BIRC6: variants seen among roughly 807,000 people sequenced by gnomAD.
BIRC6 encodes baculoviral IAP repeat containing 6, also known as dual E2 ubiquitin-conjugating enzyme/E3 ubiquitin-protein ligase BIRC6.
BIRC6 carries 98 observed loss-of-function variants against 503.3 expected under a neutral mutation model. The ratio of observed to expected loss-of-function variants is 0.19; its 90% CI spans 0.17 to 0.23. The LOEUF (loss-of-function observed/expected upper bound fraction) is 0.23. BIRC6 is among the 10% of genes least tolerant of loss of function. The probability of loss-of-function intolerance (pLI) is 1.00; values close to 1 mark genes in which losing one functional copy is unlikely to be tolerated. For missense variants in BIRC6, 5,360 were observed against 5,806.0 expected, an observed-to-expected ratio of 0.92 and a Z score of 2.50; for synonymous variants, 2,240 against 2,078.7, an observed-to-expected ratio of 1.08 and a Z score of -2.11.
At chr2:32,452,337 C>G (rs1376641849) in intron 22 of BIRC6, among the ~76,000 whole-genome samples, 2 of 151,970 alleles carry the variant, frequency 1.3e-5, no homozygotes, top group African/African-American at 4.8e-5. Context: ...TATTTTTCAT[C>G]AAATTATGCT....
chr2:32,570,255 T>G (rs185826489), intron 65 of BIRC6, among the ~76,000 whole-genome samples: 2 of 152,248 alleles, frequency 1.3e-5, no homozygotes, highest in East Asian at 3.8e-4. Context: ...CTGGGATAAA[T>G]CATACTTGAT....
chr2:32,378,356 C>T (rs960220394), intron 2 of BIRC6, among the ~76,000 whole-genome samples: 2 of 152,048 alleles, frequency 1.3e-5, no homozygotes, highest in Admixed American at 1.3e-4. Context: ...AGTCACATGA[C>T]CACACCAAGC....
chr2:32,464,335 T>C (rs2048304212), intron 24 of BIRC6, among the ~76,000 whole-genome samples, 174 bp from the exon 25 acceptor site: 1 of 152,220 alleles, frequency 6.6e-6, no homozygotes, highest in Non-Finnish European at 1.5e-5. Context: ...ACATTTAAAG[T>C]GTATATAGCA....
At chr2:32,532,051 A>C (rs2056808098) in intron 61 of BIRC6, 1 of 513,624 alleles carries the variant, frequency 1.9e-6, no homozygotes, top group African/African-American at 1.9e-5. Flanking sequence ...AATCAGTAGG[A>C]AGTATGGTGC....
rs542799892 is a variant in BIRC6 at position 32,598,612 on chromosome 2, G to A, written c.13830+644G>A. Reference sequence around the variant, plus strand: ...CAAGAAAATGTTAAACATTTAACCCGAAAAAGAAAACTTTCTTTATATTTA... The same window carrying A: ...CAAGAAAATGTTAAACATTTAACCCAAAAAAGAAAACTTTCTTTATATTTA... On this transcript the variant is annotated intron_variant, in intron 69 of 73. Coordinates refer to ENST00000421745, the MANE Select transcript of BIRC6 (RefSeq NM_016252.4). Among the ~76,000 whole-genome samples, 9 of 152,130 alleles carry A rather than the reference G, an allele frequency of 5.9e-5. No homozygotes were observed. In the East Asian group the frequency reaches 9.6e-4, roughly 16 times the overall value.
chr2:32,497,238 G>A (rs916492385), intron 45 of BIRC6, among the ~76,000 whole-genome samples: 4 of 152,146 alleles, frequency 2.6e-5, no homozygotes, highest in Admixed American at 6.5e-5. Flanking sequence ...TTGAACTCCT[G>A]AGTTCAAGCA....
intron 65 of BIRC6, among the ~76,000 whole-genome samples, chr2:32,571,296 T>C (rs1204084480): frequency 6.6e-6 from 1 of 151,828 alleles, no homozygotes; most frequent in African/African-American, 2.4e-5. Context: ...CCTCCTTAAT[T>C]TTTTTAGTTT....
intron 72 of BIRC6, among the ~76,000 whole-genome samples, chr2:32,609,347 T>A (rs576223725): frequency 2.6e-4 from 40 of 151,304 alleles, no homozygotes; most frequent in Non-Finnish European, 4.3e-4. Flanking sequence ...CTCTCCATAG[T>A]ATACCTAAAT....
chr2:32,536,469 GAATT>G (rs1319840663), intron 61 of BIRC6, among the ~76,000 whole-genome samples: 2 of 152,190 alleles, frequency 1.3e-5, no homozygotes, highest in Admixed American at 1.3e-4. Context: ...GATGCATCTT[GAATT>G]AATTTTTGTA....
intron 65 of BIRC6, among the ~76,000 whole-genome samples, chr2:32,574,128 C>G (rs1259865595): frequency 2.0e-5 from 3 of 151,668 alleles, no homozygotes; most frequent in Admixed American, 2.0e-4. Context: ...GTACCAACCC[C>G]CACATATTTG....
At chr2:32,512,643 A>G (rs1305235519) in intron 53 of BIRC6, among the ~76,000 whole-genome samples, 1 of 152,158 alleles carries the variant, frequency 6.6e-6, no homozygotes, top group Non-Finnish European at 1.5e-5. Flanking sequence ...GCTGTATTTC[A>G]TGAGACTTTG....
rs2049756038 is a variant in BIRC6 at position 32,476,330 on chromosome 2, C to G, written c.6838C>G (p.Gln2280Glu). ...CCTGGTAGAACAAGCAAAACTAAAGCAGGCCACTTCAAAGGTATGATCTAT... is the reference window on the plus strand; with the variant it reads ...CCTGGTAGAACAAGCAAAACTAAAGGAGGCCACTTCAAAGGTATGATCTAT... ...KLLVEQAKLK[Q>E]ATSKHFKDLI... The change falls in exon 34 of 74, where the codon CAG becomes GAG. Residue 2280 changes from glutamine to glutamate, a missense_variant. Around this residue, in one of 16 missense-constraint regions of BIRC6, gnomAD observed 2,299 missense variants for 2,267.2 expected, o/e 1.01. Coordinates refer to ENST00000421745, the MANE Select transcript of BIRC6 (RefSeq NM_016252.4). 1 of 1,577,114 alleles carries G rather than the reference C, an allele frequency of 6.3e-7. No homozygotes were observed. Among genetic ancestry groups the G allele is most frequent in the Non-Finnish European group, 8.6e-7 (1 of 1,160,016 alleles).
chr2:32,613,949 C>T (rs958947706), intron 73 of BIRC6, among the ~76,000 whole-genome samples: 1 of 152,056 alleles, frequency 6.6e-6, no homozygotes, highest in Admixed American at 6.6e-5. Flanking sequence ...TGGCCATTTA[C>T]TCTCTAAAAG....
chr2:32,412,119 T>G (rs945817646), intron 9 of BIRC6, among the ~76,000 whole-genome samples: 3 of 152,112 alleles, frequency 2.0e-5, no homozygotes, highest in Admixed American at 6.6e-5. Flanking sequence ...AGGTTGAGAC[T>G]GAGAAACTCA....
chr2:32,563,777 A>C (rs927938501), intron 65 of BIRC6: 3 of 152,012 alleles, frequency 2.0e-5, no homozygotes, highest in African/African-American at 4.8e-5. Context: ...TTTTCACCTC[A>C]TAAAGAACCC....
In BIRC6 at chr2:32,427,672, C is replaced by T. The variant is rs1359397090; in HGVS notation, c.2873-1474C>T. 2.0e-5 allele frequency among the ~76,000 whole-genome samples: 3 copies of T among 151,936 alleles called. No homozygotes were observed. In the East Asian group the frequency reaches 5.8e-4, roughly 29 times the overall value. On this transcript the variant is annotated intron_variant, in intron 10 of 73. Coordinates refer to ENST00000421745, the MANE Select transcript of BIRC6 (RefSeq NM_016252.4). ...TCTATACCCCTGGTTTCCTCTTATT[C>T]TATAAAAATATTTACAATAGATCCT...
chr2:32,391,296 C>G (rs1449261123), intron 4 of BIRC6, among the ~76,000 whole-genome samples: 1 of 152,078 alleles, frequency 6.6e-6, no homozygotes, highest in Non-Finnish European at 1.5e-5. Context: ...AAAAATCAAT[C>G]TAGGAGCCTC....
At chr2:32,422,843 T>C (rs2043080179) in intron 10 of BIRC6, among the ~76,000 whole-genome samples, 1 of 152,228 alleles carries the variant, frequency 6.6e-6, no homozygotes, top group Non-Finnish European at 1.5e-5. Flanking sequence ...AAATAATTTA[T>C]GCATTTTCCT....
chr2:32,395,650 CT>C, intron 6 of BIRC6, 57 bp downstream of exon 6: 1 of 1,410,824 alleles, frequency 7.1e-7, no homozygotes. Flanking sequence ...AATAATGCTT[CT>C]AAATTTTACT....
Sources: gnomAD v4.1 joint callset for allele counts (sites outside exome capture counted in the v4.1 genomes callset) on GRCh38, gnomAD v4.1.1 for gene constraint, gnomAD v4.1.1 regional missense constraint, MANE v1.5 for transcripts, NCBI Gene and HGNC (gene_info 2026-07-23, HGNC 2026-07-21) for gene names.